KCTD21: variants seen among roughly 807,000 people sequenced by gnomAD.
KCTD21 encodes the protein BTB/POZ domain-containing protein KCTD21.
KCTD21 carries 9 observed loss-of-function variants against 13.2 expected under a neutral mutation model. The ratio of observed to expected loss-of-function variants is 0.68; its 90% CI spans 0.41 to 1.19. The LOEUF is 1.19. KCTD21 is among the 50% of genes most tolerant of loss of function. KCTD21 has a pLI of 0.01. For missense variants in KCTD21, 303 were observed against 336.5 expected (o/e 0.90, Z 0.78); for synonymous variants, 142 against 137.4 (o/e 1.03, Z -0.23).
In KCTD21 at chr11:78,178,335, G is replaced by A. The variant is rs532209871; in HGVS notation, c.-29-3752C>T. On this transcript the variant is annotated intron_variant, in intron 1 of 1. Coordinates refer to ENST00000340067, the MANE Select transcript of KCTD21 (RefSeq NM_001029859.3). ...AGTAGAGATGGGATTTCACCATGTT[G>A]GCCAGGATGGTCTCGATCTCTTGAC... 1.1e-4 allele frequency among the ~76,000 whole-genome samples: 17 copies of A among 152,132 alleles called. No homozygotes were observed. In the South Asian group the frequency reaches 1.9e-3, roughly 17 times the overall value.
intron 1 of KCTD21, among the ~76,000 whole-genome samples, chr11:78,185,548 G>C (rs1277007167): frequency 6.6e-6 from 1 of 152,024 alleles, no homozygotes; most frequent in African/African-American, 2.4e-5. Flanking sequence ...AAGCCTGGGT[G>C]GGCAGTCTGG....
rs758363391 is a variant in KCTD21, at chr11:78,174,228, A to G, written c.327T>C (p.Asn109=). ...GGTTCAGTGTGATGTTGAGCATGGC[A>G]TTCTTCTCGGCCTTGGAGAGCTCCA... ...KEVELSKAEK[N]AMLNITLNQR... The change falls in exon 2 of 2, where the codon AAT becomes AAC. Residue 109 remains asparagine, a synonymous_variant. Coordinates refer to ENST00000340067, the MANE Select transcript of KCTD21 (RefSeq NM_001029859.3). 1.9e-6 allele frequency: 3 copies of G among 1,613,922 alleles called. No homozygotes were observed. The highest frequency in any genetic ancestry group is 2.7e-5 in the African/African-American group (2 of 74,880).
chr11:78,188,412 G>A (rs1039078508), intron 1 of KCTD21, 161 bp downstream of exon 1: 79 of 985,088 alleles, frequency 8.0e-5, no homozygotes, highest in Non-Finnish European at 5.4e-5. Flanking sequence ...GCTCCGAAAC[G>A]CGCCCCCTCC....
intron 1 of KCTD21, chr11:78,176,127 G>A (rs1396970750): frequency 6.6e-6 from 1 of 152,100 alleles, no homozygotes; most frequent in Non-Finnish European, 1.5e-5. Context: ...TCTTAATCCA[G>A]TCTATCATTG....
intron 1 of KCTD21, chr11:78,187,503 C>A: frequency 2.0e-6 from 2 of 985,422 alleles, no homozygotes; most frequent in Non-Finnish European, 2.4e-6. Flanking sequence ...ATTCTTTCAT[C>A]TGGCGTAGAC....
intron 1 of KCTD21, chr11:78,186,781 G>A: frequency 4.1e-6 from 4 of 985,404 alleles, no homozygotes; most frequent in Non-Finnish European, 4.8e-6. Flanking sequence ...CATCGGCCAG[G>A]TCTCTCAGCT....
At chr11:78,180,616 G>C (rs1278677536) in intron 1 of KCTD21, among the ~76,000 whole-genome samples, 1 of 152,116 alleles carries the variant, frequency 6.6e-6, no homozygotes, top group East Asian at 1.9e-4. Context: ...AGTCATGAGA[G>C]TATGAAAATT....
Position 78,188,624 on chromosome 11 carries a change from T to G in KCTD21, c.-81A>C. On this transcript the variant is annotated 5_prime_UTR_variant, in exon 1 of 2. Coordinates refer to ENST00000340067, the MANE Select transcript of KCTD21 (RefSeq NM_001029859.3). ...CCTCCGCGAGCGGCCAGCGCAGCTT[T>G]GCGAGGGGGGCGGAGGGTAGGAGCC... 1 of 985,470 alleles carries G rather than the reference T, an allele frequency of 1.0e-6. No individual in the cohort carries two copies. The highest frequency in any genetic ancestry group is 1.2e-6 in the Non-Finnish European group (1 of 829,968). 61.0% of individuals were successfully genotyped at this position (985,470 alleles called of 1,614,324 possible).
rs1315348177 is a variant in KCTD21 at position 78,171,767 on chromosome 11, A to G, written c.*2005T>C. ...GTTATAGGCGCCTGTCACCACACCC[A>G]GCTAATTTTTGTATTTTTAGCAGAG... On this transcript the variant is annotated 3_prime_UTR_variant, in exon 2 of 2. Coordinates refer to ENST00000340067, the MANE Select transcript of KCTD21 (RefSeq NM_001029859.3). 1 of 152,148 alleles carries G rather than the reference A, an allele frequency of 6.6e-6. No individual in the cohort carries two copies. The highest frequency in any genetic ancestry group is 1.5e-5 in the Non-Finnish European group (1 of 68,050). The allele number at this position is 152,148 out of a possible 1,614,324, so 9.4% of individuals were successfully genotyped here.
At position 78,184,329 on chromosome 11, in the gene KCTD21, CTATT is replaced by C. The variant is rs532305114; in HGVS notation, c.-30+4240_-30+4243del. 2.2e-3 allele frequency among the ~76,000 whole-genome samples: 331 copies of C among 152,100 alleles called. 3 individuals carry two copies. Among genetic ancestry groups the C allele is most frequent in the African/African-American group, 7.5e-3 (313 of 41,466 alleles). ...ACATATTTAAATAGGTGGAGAAGCT[CTATT>C]TATTTATTTATTTATTTATTTGAGA... On this transcript the variant is annotated intron_variant, in intron 1 of 1. Coordinates refer to ENST00000340067, the MANE Select transcript of KCTD21 (RefSeq NM_001029859.3).
intron 1 of KCTD21, chr11:78,187,066 G>T (rs1318384549): frequency 1.0e-6 from 1 of 985,310 alleles, no homozygotes; most frequent in Non-Finnish European, 1.2e-6. Flanking sequence ...TGACAAGGCC[G>T]AGGTGATTAC....
At chr11:78,181,580 G>GT (rs2137001660) in intron 1 of KCTD21, among the ~76,000 whole-genome samples, 1 of 152,316 alleles carries the variant, frequency 6.6e-6, no homozygotes, top group Admixed American at 6.5e-5. Context: ...TGGCACAAAA[G>GT]TAATATGATG....
rs1227264238 is a variant in KCTD21 at position 78,171,447 on chromosome 11, A to G, written c.*2325T>C. On this transcript the variant is annotated 3_prime_UTR_variant, in exon 2 of 2. Transcript: ENST00000340067. ...CTTCACTGCTTCTGCAACTTCTCTA[A>G]AGTCAAGCTGCTTGGATTAGGGAGC... 2.0e-5 allele frequency: 3 copies of G among 152,604 alleles called. No individual in the cohort carries two copies. Among genetic ancestry groups the G allele is most frequent in the African/African-American group, 7.2e-5 (3 of 41,428 alleles). The allele number at this position is 152,604 out of a possible 1,614,324, so 9.5% of individuals were successfully genotyped here. A position where few individuals can be genotyped will look rare whatever the true frequency, so the allele number is the denominator to read the frequency against.
chr11:78,173,744 C>A lies in KCTD21; in HGVS notation c.*28G>T. 1 of 1,578,692 alleles carries A rather than the reference C, an allele frequency of 6.3e-7. No individual in the cohort carries two copies. On this transcript the variant is annotated 3_prime_UTR_variant, in exon 2 of 2. Transcript: ENST00000340067. ...TGGCTGACATGAGCTTCCTGGGACT[C>A]CCCATCTCCAGTGTTGTTGGGGTCC... is the stretch of plus-strand genomic sequence containing the variant.
rs778874600 is a variant in KCTD21, at chr11:78,174,061, T to G, written c.494A>C (p.Tyr165Ser). 3.7e-6 allele frequency: 6 copies of G among 1,613,958 alleles called. No homozygotes were observed. Among genetic ancestry groups the G allele is most frequent in the Middle Eastern group, 1.6e-4 (1 of 6,084 alleles). Residue 165 changes from tyrosine (Y) to serine (S), a missense_variant, in exon 2 of 2, where the codon TAC becomes TCC. By Grantham distance (144) the Tyr-to-Ser change is moderately radical (BLOSUM62 -2). Coordinates refer to ENST00000340067, the MANE Select transcript of KCTD21 (RefSeq NM_001029859.3). The stretch of plus-strand genomic sequence containing the variant: ...GGAGGAGAGATTGCCATTGGAGCAG[T>G]AGAAGAGCTTAGAGCCAAGGAGCTT... ...FLKLLGSKLF[Y>S]CSNGNLSSIT... is the part of the protein sequence containing the mutation.
intron 1 of KCTD21, chr11:78,188,226 G>T: frequency 4.1e-6 from 4 of 976,948 alleles, no homozygotes; most frequent in Non-Finnish European, 4.8e-6. Flanking sequence ...CCCCCACTCC[G>T]ACCTGACAAG....
chr11:78,187,799 T>C (rs1161775881), intron 1 of KCTD21: 1 of 985,254 alleles, frequency 1.0e-6, no homozygotes, highest in Non-Finnish European at 1.2e-6. Flanking sequence ...CATCAAAACT[T>C]TTCTTTCCTG....
Position 78,174,040 on chromosome 11 carries a change from G to A in KCTD21, c.515C>T (p.Ser172Phe). ...KLFYCSNGNLSSITSHLQDPN... is the reference protein window; with the variant it reads ...KLFYCSNGNLFSITSHLQDPN... ...GTCCTGCAAGTGGCTGGTGATGGAG[G>A]AGAGATTGCCATTGGAGCAGTAGAA... Residue 172 changes from serine to phenylalanine, a missense_variant, in exon 2 of 2, where the codon TCC (serine) becomes TTC (phenylalanine). Physicochemically the swap from Ser to Phe is radical, Grantham distance 155. Coordinates refer to ENST00000340067, the MANE Select transcript of KCTD21 (RefSeq NM_001029859.3). 1 of 1,614,160 alleles carries A rather than the reference G, an allele frequency of 6.2e-7. No individual in the cohort carries two copies. Among genetic ancestry groups the A allele is most frequent in the Non-Finnish European group, 8.5e-7 (1 of 1,180,034 alleles).
rs1356880238 is a variant in KCTD21, at chr11:78,174,555, G to T, written c.-1C>A. ...CGTTCAGCGTGATGGGGTCGGACATGGCAGGAGACTGGGTTGCTGGAAGTA... is the reference window on the plus strand; with the variant it reads ...CGTTCAGCGTGATGGGGTCGGACATTGCAGGAGACTGGGTTGCTGGAAGTA... On this transcript the variant is annotated 5_prime_UTR_variant, in exon 2 of 2. Coordinates refer to ENST00000340067, the MANE Select transcript of KCTD21 (RefSeq NM_001029859.3). The T allele has an allele frequency of 6.2e-7, 1 of 1,607,174 alleles. No homozygotes were observed. The highest frequency in any genetic ancestry group is 8.5e-7 in the Non-Finnish European group (1 of 1,176,184).
Sources: gnomAD v4.1 joint callset for allele counts (sites outside exome capture counted in the v4.1 genomes callset) on GRCh38, gnomAD v4.1.1 for gene constraint, MANE v1.5 for transcripts, NCBI Gene and HGNC (gene_info 2026-07-23, HGNC 2026-07-21) for gene names.